SHISA9: variants seen among roughly 807,000 people sequenced by gnomAD.
SHISA9 encodes protein shisa-9.
In SHISA9, 13 loss-of-function variants were observed where a neutral mutation model predicts 38.0. That is an observed-to-expected ratio of 0.34 (90% CI 0.22 to 0.54). The LOEUF is 0.54. SHISA9 is among the 20% of genes least tolerant of loss of function. The pLI is 0.91. For synonymous variants in SHISA9, 275 were observed against 242.0 expected, an observed-to-expected ratio of 1.14 and a Z score of -1.27; for missense variants, 538 against 575.8, an observed-to-expected ratio of 0.93 and a Z score of 0.67.
At chr16:13,101,113 TGTGGGGAGAGGGAA>T (rs1326655008) in intron 2 of SHISA9, among the ~76,000 whole-genome samples, 1 of 152,120 alleles carries the variant, frequency 6.6e-6, no homozygotes, top group African/African-American at 2.4e-5. Flanking sequence ...TTTCCGGGGC[TGTGGGGAGAGGGAA>T]GTGGGGAGAT....
the SHISA9 span, among the ~76,000 whole-genome samples, chr16:13,389,943 T>G: frequency 6.6e-6 from 1 of 152,214 alleles, no homozygotes; most frequent in South Asian, 2.1e-4. Flanking sequence ...CATTCTCCAT[T>G]CTTTTTTCCA....
rs370780536 is a variant in SHISA9, at chr16:13,024,490, G to A, written c.691+107675G>A. ...CACCTGTGGCCATTTGGCACTGTGG[G>A]GGAGCCAGTCCCATACATATGTATT... On this transcript the variant is annotated intron_variant, in intron 2 of 4. Transcript: ENST00000558583. Among the ~76,000 whole-genome samples, 4 of 152,320 alleles carry A rather than the reference G, an allele frequency of 2.6e-5. No individual in the cohort carries two copies. In the East Asian group the frequency reaches 7.7e-4, roughly 29 times the overall value.
At chr16:13,120,775 G>A (rs1186682345) in intron 2 of SHISA9, among the ~76,000 whole-genome samples, 3 of 152,132 alleles carry the variant, frequency 2.0e-5, no homozygotes, top group Non-Finnish European at 2.9e-5. Flanking sequence ...TGTTAGCGAG[G>A]GAAGAGGATT....
intron 2 of SHISA9, among the ~76,000 whole-genome samples, chr16:13,186,486 T>C (rs1303216291): frequency 1.3e-5 from 2 of 151,704 alleles, no homozygotes; most frequent in African/African-American, 4.8e-5. Context: ...TTAGTAGAGA[T>C]GGGATTTCAC....
intron 2 of SHISA9, among the ~76,000 whole-genome samples, chr16:13,139,386 C>T (rs1596675223): frequency 8.3e-6 from 1 of 120,786 alleles, no homozygotes; most frequent in Non-Finnish European, 1.8e-5. Flanking sequence ...CCGTCCCTCC[C>T]TTCCTTCTTT....
At chr16:13,117,129 C>A (rs983872778) in intron 2 of SHISA9, among the ~76,000 whole-genome samples, 6 of 152,184 alleles carry the variant, frequency 3.9e-5, no homozygotes, top group Admixed American at 2.6e-4. Context: ...TGCGCCACCA[C>A]CACGCCCGGC....
chr16:13,179,995 G>C (rs34059757), intron 2 of SHISA9, among the ~76,000 whole-genome samples: 18,011 of 152,182 alleles, frequency 0.12, 1,112 homozygotes, highest in Middle Eastern at 0.21. Flanking sequence ...AGAGCTATCA[G>C]GTGGGTAGGA....
chr16:12,997,067 C>G (rs1226630862), intron 2 of SHISA9, among the ~76,000 whole-genome samples: 3 of 152,212 alleles, frequency 2.0e-5, no homozygotes, highest in Non-Finnish European at 2.9e-5. Context: ...AGCCCTGCAA[C>G]CAACTCCTCT....
At chr16:13,152,186 C>G (rs1219023105) in intron 2 of SHISA9, among the ~76,000 whole-genome samples, 1 of 152,176 alleles carries the variant, frequency 6.6e-6, no homozygotes, top group Non-Finnish European at 1.5e-5. Flanking sequence ...TATGAAAAGT[C>G]TACCACTCCC....
At chr16:13,543,596 C>G in the SHISA9 span, among the ~76,000 whole-genome samples, 12 of 152,270 alleles carry the variant, frequency 7.9e-5, 1 homozygote, top group South Asian at 1.2e-3. Flanking sequence ...TCACTCCCCA[C>G]ACTCCCAGTG....
At chr16:13,283,910 G>T in the SHISA9 span, among the ~76,000 whole-genome samples, 3 of 151,850 alleles carry the variant, frequency 2.0e-5, no homozygotes, top group Non-Finnish European at 4.4e-5. Flanking sequence ...CCTAACTTTT[G>T]TTGTCTTCTA....
chr16:13,423,918 G>A, the SHISA9 span, among the ~76,000 whole-genome samples: 16 of 152,308 alleles, frequency 1.1e-4, no homozygotes, highest in Admixed American at 2.6e-4. Context: ...CAACAAGGAC[G>A]CATTGAGTTC....
chr16:12,946,334 T>A (rs749181875), intron 2 of SHISA9, among the ~76,000 whole-genome samples: 1 of 152,208 alleles, frequency 6.6e-6, no homozygotes, highest in Non-Finnish European at 1.5e-5. Context: ...TCTCATAGTC[T>A]TATTGGGAAA....
the SHISA9 span, among the ~76,000 whole-genome samples, chr16:13,480,040 GA>G: frequency 2.6e-5 from 4 of 152,132 alleles, no homozygotes; most frequent in African/African-American, 4.8e-5. Context: ...TTTATAATCT[GA>G]AAAATGGGAT....
chr16:13,061,411 G>A (rs764420916), intron 2 of SHISA9, among the ~76,000 whole-genome samples: 2 of 152,190 alleles, frequency 1.3e-5, no homozygotes, highest in Non-Finnish European at 2.9e-5. Flanking sequence ...TGTTGTTCAG[G>A]AAAGCAGTCT....
chr16:13,036,390 A>T (rs1351269182), intron 2 of SHISA9, among the ~76,000 whole-genome samples: 4 of 152,228 alleles, frequency 2.6e-5, no homozygotes, highest in South Asian at 2.1e-4. Flanking sequence ...CATACTACAT[A>T]ATTTCATTTA....
the SHISA9 span, among the ~76,000 whole-genome samples, chr16:13,523,894 AGCTGTATAT>A: frequency 6.6e-6 from 1 of 152,142 alleles, no homozygotes; most frequent in Non-Finnish European, 1.5e-5. Context: ...CTGTTTTAGG[AGCTGTATAT>A]GCATTGTCCT....
At chr16:13,485,041 T>TA in the SHISA9 span, among the ~76,000 whole-genome samples, 1 of 151,914 alleles carries the variant, frequency 6.6e-6, no homozygotes, top group East Asian at 1.9e-4. Context: ...TTTTTTTTTT[T>TA]AACTTTAAGT....
intron 2 of SHISA9, among the ~76,000 whole-genome samples, chr16:13,202,932 C>T (rs1053475987): frequency 6.6e-6 from 1 of 152,146 alleles, no homozygotes; most frequent in Admixed American, 6.5e-5. Context: ...GCATGTCCAC[C>T]AGCAGCTTTA....
Sources: allele counts gnomAD v4.1 joint callset (sites outside exome capture counted in the v4.1 genomes callset), GRCh38; gene constraint gnomAD v4.1.1; transcripts MANE v1.5; gene names NCBI Gene and HGNC (gene_info 2026-07-23, HGNC 2026-07-21).